The following DNAJC11 variants were observed in gnomAD, a reference collection of about 807,000 sequenced individuals.
DNAJC11 encodes dnaJ homolog subfamily C member 11.
In DNAJC11, 15 loss-of-function variants were observed where a neutral mutation model predicts 78.6. That is an observed-to-expected ratio of 0.19 (90% confidence interval 0.13 to 0.29). The LOEUF is 0.29. Among genes scored for constraint, DNAJC11 ranks in the 10% least tolerant of loss-of-function variants. DNAJC11 has a pLI of 1.00. For synonymous variants in DNAJC11, 292 were observed against 272.1 expected, an observed-to-expected ratio of 1.07 and a Z score of -0.72; for missense variants, 547 against 709.6, an observed-to-expected ratio of 0.77 and a Z score of 2.60.
chr1:6,667,059 G>A (rs1281016957), intron 4 of DNAJC11, among the ~76,000 whole-genome samples: 2 of 152,208 alleles, frequency 1.3e-5, no homozygotes, highest in Non-Finnish European at 2.9e-5. Flanking sequence ...CAAACTGAAA[G>A]GAAAAAGAGA....
chr1:6,640,069 T>TAAA lies in DNAJC11; in HGVS notation c.1098-13_1098-12insTTT. Reference sequence around the variant, plus strand: ...TGGCCCTGTTGAGCCTGGGGAAAAATACAAAAAAAAAAAAAAAAAAGCCAA... The same window carrying TAAA: ...TGGCCCTGTTGAGCCTGGGGAAAAATAAAACAAAAAAAAAAAAAAAAAAGCCAA... On this transcript the variant is annotated splice_polypyrimidine_tract_variant and intron_variant, in intron 10 of 15. Transcript: ENST00000377577. 2.1e-5 allele frequency: 18 copies of TAAA among 862,552 alleles called. No individual in the cohort carries two copies. In the South Asian group the frequency reaches 2.7e-4, roughly 13 times the overall value. 53.4% of individuals were successfully genotyped at this position (862,552 alleles called of 1,614,324 possible).
chr1:6,652,880 A>C lies in DNAJC11; in HGVS notation c.579T>G (p.Gly193=), dbSNP rs1337606898. ...CTCGTCTGAGCGCAAAGTTAATGGA[A>C]CCTCCTCCATTTCCATTCTGGGTTG... ...SLSTQNGNGG[G]SINFALRRVT... is the part of the protein sequence containing the mutation. The change falls in exon 6 of 16, where the codon GGT becomes GGG. Residue 193 remains glycine, a synonymous_variant. Transcript: ENST00000377577. 6.2e-7 allele frequency: 1 copy of C among 1,614,090 alleles called. No individual in the cohort carries two copies. Among genetic ancestry groups the C allele is most frequent in the Non-Finnish European group, 8.5e-7 (1 of 1,180,022 alleles).
chr1:6,679,053 A>G (rs893969088), intron 2 of DNAJC11, among the ~76,000 whole-genome samples: 1 of 152,180 alleles, frequency 6.6e-6, no homozygotes, highest in African/African-American at 2.4e-5. Context: ...TACAAGGTGC[A>G]CCATGCAGGA....
rs139235645 is a variant in DNAJC11 at position 6,653,380 on chromosome 1, G to A, written c.508-429C>T. ...AAATTTCCCCAAGTTAGGACTCCAC[G>A]TTGTTGGCTGATGCAATGGAGAATA... On this transcript the variant is annotated intron_variant, in intron 5 of 15. Coordinates refer to ENST00000377577, the MANE Select transcript of DNAJC11 (RefSeq NM_018198.4). The surrounding 1 kb of genome is among the most constrained non-coding windows in gnomAD (Gnocchi z 4.5). Among the ~76,000 whole-genome samples the A allele has an allele frequency of 3.3e-5, 5 of 152,270 alleles. No individual in the cohort carries two copies. Among genetic ancestry groups the A allele is most frequent in the Admixed American group, 2.6e-4 (4 of 15,282 alleles).
intron 7 of DNAJC11, 31 bp downstream of exon 7, chr1:6,651,498 C>G: frequency 6.2e-7 from 1 of 1,600,438 alleles, no homozygotes; most frequent in Non-Finnish European, 8.6e-7. Context: ...ACAAAGACCA[C>G]CAAAGAGGAG....
chr1:6,656,627 C>T (rs140959161), intron 4 of DNAJC11, among the ~76,000 whole-genome samples: 7 of 151,802 alleles, frequency 4.6e-5, no homozygotes, highest in Middle Eastern at 3.4e-3. Flanking sequence ...TCCTGCAATC[C>T]CAGTACTTTG....
At chr1:6,681,341 A>T (rs1293548046) in intron 1 of DNAJC11, among the ~76,000 whole-genome samples, 5 of 152,222 alleles carry the variant, frequency 3.3e-5, no homozygotes, top group Non-Finnish European at 7.3e-5. Context: ...TGTCACAGAG[A>T]CGTGCTAACT....
intron 3 of DNAJC11, among the ~76,000 whole-genome samples, chr1:6,677,882 G>T (rs1030830064): frequency 2.6e-5 from 4 of 152,174 alleles, no homozygotes; most frequent in African/African-American, 9.7e-5. Flanking sequence ...CATGAGAATT[G>T]AAAGGGTCAT....
Position 6,634,653 on chromosome 1 carries a change from G to T in DNAJC11, c.*1022C>A. The T allele has an allele frequency of 1.5e-6, 2 of 1,366,512 alleles. No homozygotes were observed. Among genetic ancestry groups the T allele is most frequent in the Non-Finnish European group, 2.0e-6 (2 of 1,021,840 alleles). 84.6% of individuals were successfully genotyped at this position (1,366,512 alleles called of 1,614,324 possible). A position where few individuals can be genotyped will look rare whatever the true frequency, so the allele number is the denominator to read the frequency against. Reference sequence around the variant, plus strand: ...AGCCGAGGTCCAGGCCGTGGAGGGGGTCCTAGCTCCGCTGCATTCTGCATC... The same window carrying T: ...AGCCGAGGTCCAGGCCGTGGAGGGGTTCCTAGCTCCGCTGCATTCTGCATC... On this transcript the variant is annotated 3_prime_UTR_variant, in exon 16 of 16. Coordinates refer to ENST00000377577, the MANE Select transcript of DNAJC11 (RefSeq NM_018198.4).
chr1:6,688,844 A>G (rs1642698341), intron 1 of DNAJC11, among the ~76,000 whole-genome samples: 1 of 152,336 alleles, frequency 6.6e-6, no homozygotes, highest in Non-Finnish European at 1.5e-5. Flanking sequence ...GTAGGTAAGA[A>G]ACTAATTTGG....
chr1:6,680,817 ACT>A lies in DNAJC11; in HGVS notation c.202+89_202+90del. ...CCACCTGTTTTATATACCTCTAAGGACTCTCTTTTTCTATCCTCTACAAATCG... is the reference window on the plus strand; with the variant it reads ...CCACCTGTTTTATATACCTCTAAGGACTCTTTTTCTATCCTCTACAAATCG... On this transcript the variant is annotated intron_variant, in intron 2 of 15. Coordinates refer to ENST00000377577, the MANE Select transcript of DNAJC11 (RefSeq NM_018198.4). This position sits in a 1 kb window ranked among gnomAD's most constrained non-coding sequence, Gnocchi z 4.0. The A allele has an allele frequency of 6.7e-7, 1 of 1,500,192 alleles. No individual in the cohort carries two copies. The highest frequency in any genetic ancestry group is 1.2e-5 in the South Asian group (1 of 80,462). 92.9% of individuals were successfully genotyped at this position (1,500,192 alleles called of 1,614,324 possible).
rs370946581 is a variant in DNAJC11 at position 6,634,546 on chromosome 1, G to A, written c.*1129C>T. On this transcript the variant is annotated 3_prime_UTR_variant, in exon 16 of 16. Coordinates refer to ENST00000377577, the MANE Select transcript of DNAJC11 (RefSeq NM_018198.4). ...CTGTCTCAGCCACCACCTGTGCGGCGCTTGCTCCGAGGGGTCAGCAAGAGC... is the reference window on the plus strand; with the variant it reads ...CTGTCTCAGCCACCACCTGTGCGGCACTTGCTCCGAGGGGTCAGCAAGAGC... The A allele has an allele frequency of 1.5e-5, 20 of 1,364,212 alleles. No individual in the cohort carries two copies. Among genetic ancestry groups the A allele is most frequent in the East Asian group, 4.6e-5 (1 of 21,908 alleles). The allele number at this position is 1,364,212 out of a possible 1,614,324, so 84.5% of individuals were successfully genotyped here. A position where few individuals can be genotyped will look rare whatever the true frequency, so the allele number is the denominator to read the frequency against.
At chr1:6,690,357 T>A (rs1247645956) in intron 1 of DNAJC11, among the ~76,000 whole-genome samples, 3 of 152,234 alleles carry the variant, frequency 2.0e-5, no homozygotes, top group African/African-American at 7.2e-5. Flanking sequence ...TTCCATGCAC[T>A]CCCACTTCAT....
intron 1 of DNAJC11, among the ~76,000 whole-genome samples, chr1:6,691,271 C>T (rs775196843): frequency 1.4e-5 from 2 of 145,874 alleles, no homozygotes; most frequent in Non-Finnish European, 3.0e-5. Context: ...GCACACATCT[C>T]GGCTACAATC....
intron 1 of DNAJC11, among the ~76,000 whole-genome samples, chr1:6,692,946 C>T (rs1218903106): frequency 6.6e-6 from 1 of 151,458 alleles, no homozygotes; most frequent in Non-Finnish European, 1.5e-5. Context: ...TGCTCTGTTG[C>T]CCAGGCTGGA....
chr1:6,656,676 C>T (rs1391641091), intron 4 of DNAJC11, among the ~76,000 whole-genome samples: 2 of 148,928 alleles, frequency 1.3e-5, no homozygotes, highest in Middle Eastern at 3.2e-3. Flanking sequence ...CCCAGGAGTT[C>T]GAGACCAGCC....
At position 6,645,816 on chromosome 1, in the gene DNAJC11, T is replaced by A; in HGVS notation, c.867A>T (p.Lys289Asn). 1 of 1,614,014 alleles carries A rather than the reference T, an allele frequency of 6.2e-7. No individual in the cohort carries two copies. The highest frequency in any genetic ancestry group is 8.5e-7 in the Non-Finnish European group (1 of 1,179,940). ...GCAGGGCCACAGTGAAGTGGCTGGT[T>A]TTAGTGTCTCGGACGATGCTAGTGT... ...AMNTSIVRDT[K>N]TSHFTVALQL... Residue 289 changes from lysine to asparagine, a missense_variant, in exon 8 of 16, where the codon AAA becomes AAT. Physicochemically the swap from Lys to Asn is moderately conservative, Grantham distance 94 (BLOSUM62 0). Transcript: ENST00000377577. This position sits in a 1 kb window ranked among gnomAD's most constrained non-coding sequence, Gnocchi z 4.1.
chr1:6,673,063 G>GC (rs1255171398), intron 3 of DNAJC11, among the ~76,000 whole-genome samples: 1 of 151,970 alleles, frequency 6.6e-6, no homozygotes, highest in African/African-American at 2.4e-5. Flanking sequence ...GGGCATGGTG[G>GC]CGGGCGCCCA....
chr1:6,700,699 C>A (rs189700499), intron 1 of DNAJC11, among the ~76,000 whole-genome samples: 12 of 152,322 alleles, frequency 7.9e-5, no homozygotes, highest in Non-Finnish European at 1.3e-4. Flanking sequence ...TGGTCCCACA[C>A]AAGATAAGTT....
Sources: allele counts gnomAD v4.1 joint callset (sites outside exome capture counted in the v4.1 genomes callset), GRCh38; gene constraint gnomAD v4.1.1; non-coding constraint Gnocchi (gnomAD v3.1); transcripts MANE v1.5; gene names NCBI Gene and HGNC (gene_info 2026-07-23, HGNC 2026-07-21).